The following FANCA variants were observed in gnomAD, a reference collection of about 807,000 sequenced individuals.
FANCA encodes the protein Fanconi anemia group A protein.
In FANCA, 236 loss-of-function variants were observed where a neutral mutation model predicts 194.3. The ratio of observed to expected loss-of-function variants is 1.21; its 90% CI spans 1.09 to 1.35. The LOEUF is 1.35. Ranked by LOEUF, FANCA falls within the 40% of genes most tolerant of loss-of-function variation. The probability of loss-of-function intolerance (pLI) is 0.00; values close to 1 mark genes in which losing one functional copy is unlikely to be tolerated. For synonymous variants in FANCA, 1,014 were observed against 715.8 expected, an observed-to-expected ratio of 1.42 and a Z score of -6.65; for missense variants, 2,628 against 1,813.9, an observed-to-expected ratio of 1.45 and a Z score of -8.15.
At chr16:89,777,083 G>A (rs1017466534) in intron 20 of FANCA, among the ~76,000 whole-genome samples, 7 of 152,056 alleles carry the variant, frequency 4.6e-5, no homozygotes, top group African/African-American at 1.2e-4. Flanking sequence ...GGTGGAGCGC[G>A]CCTCTAGACC....
chr16:89,795,197 A>G (rs954524923), intron 11 of FANCA, among the ~76,000 whole-genome samples: 1 of 151,876 alleles, frequency 6.6e-6, no homozygotes, highest in Non-Finnish European at 1.5e-5. Flanking sequence ...AGGCAGGAGA[A>G]TGGTTTGAAC....
At chr16:89,784,804 G>C (rs2039842140) in intron 15 of FANCA, 50 bp downstream of exon 15, 2 of 1,410,832 alleles carry the variant, frequency 1.4e-6, no homozygotes, top group Non-Finnish European at 2.0e-6. Flanking sequence ...CTCAGATGCA[G>C]CAGGTGAGCG....
intron 3 of FANCA, among the ~76,000 whole-genome samples, chr16:89,812,646 C>CAAAAAAAAAAAAA (rs71137677): frequency 1.2e-4 from 5 of 42,352 alleles, no homozygotes; most frequent in Admixed American, 2.9e-4. Context: ...TACTCCGTCT[C>CAAAAAAAAAAAAA]AAAAAAAAAA....
At chr16:89,769,622 T>C (rs1265865976) in intron 26 of FANCA, 2 of 623,916 alleles carry the variant, frequency 3.2e-6, no homozygotes, top group Non-Finnish European at 5.7e-6. Flanking sequence ...CAGTTTAGTA[T>C]AATATGATCT....
Position 89,745,079 on chromosome 16 carries a change from G to T in FANCA, c.3514-8C>A. ...CAGGCTCGGCCACCACACCTATGGA[G>T]AGAGCACCAGCACACAGATGAGGGT... is the stretch of plus-strand genomic sequence containing the variant. On this transcript the variant is annotated splice_region_variant and splice_polypyrimidine_tract_variant and intron_variant, in intron 35 of 42. Coordinates refer to ENST00000389301, the MANE Select transcript of FANCA (RefSeq NM_000135.4). 1.3e-6 allele frequency: 2 copies of T among 1,593,664 alleles called. No individual in the cohort carries two copies. The highest frequency in any genetic ancestry group is 8.5e-7 in the Non-Finnish European group (1 of 1,173,844).
At position 89,738,216 on chromosome 16, in the gene FANCA, G is replaced by A. The variant is rs17227424; in HGVS notation, c.*385C>T. 5.6e-6 allele frequency: 9 copies of A among 1,609,372 alleles called. No individual in the cohort carries two copies. Among genetic ancestry groups the A allele is most frequent in the Non-Finnish European group, 7.6e-6 (9 of 1,178,276 alleles). On this transcript the variant is annotated 3_prime_UTR_variant, in exon 43 of 43. Transcript: ENST00000389301. ...CACCGAGCCCCTCTGTGACCACAGA[G>A]GGCCAGGCGGTGAAGCCCGAACCCA...
Position 89,767,217 on chromosome 16 carries a change from GA to G in FANCA, c.2524del (p.Ser842LeufsTer47), listed in dbSNP as rs1205909298. On this transcript the variant is annotated frameshift_variant, in exon 27 of 43. Transcript: ENST00000389301. LOFTEE classifies it high-confidence loss of function. ...FCLKFCTAAI[S>X]YSLCKFSSQS... The stretch of plus-strand genomic sequence containing the variant: ...GGAAGAAAACTTGCAGAGAGAGTAA[GA>G]AATTGCTGCTGTACAAAATCTGAAA... 4 of 1,612,764 alleles carry G rather than the reference GA, an allele frequency of 2.5e-6. No individual in the cohort carries two copies. The highest frequency in any genetic ancestry group is 3.4e-6 in the Non-Finnish European group (4 of 1,178,946).
At chr16:89,739,752 G>A in intron 39 of FANCA, 199 bp from the exon 40 acceptor site, 3 of 1,486,316 alleles carry the variant, frequency 2.0e-6, no homozygotes, top group East Asian at 2.5e-5. Flanking sequence ...CTTGCAGGAG[G>A]GTGGGTGTGG....
chr16:89,749,887 G>C lies in FANCA; in HGVS notation c.3082C>G (p.Leu1028Val). 1.9e-6 allele frequency: 3 copies of C among 1,614,116 alleles called. No individual in the cohort carries two copies. Among genetic ancestry groups the C allele is most frequent in the Non-Finnish European group, 2.5e-6 (3 of 1,180,022 alleles). The stretch of plus-strand genomic sequence containing the variant: ...ACTATGAGGTCTTGCTGCAGCTCCA[G>C]GTCAGCTACCATCTCCTGAAAAAGA... Reference protein sequence around the residue: ...ISRLQEMVADLELQQDLIVPL... With the variant: ...ISRLQEMVADVELQQDLIVPL... Residue 1028 changes from leucine (L) to valine (V), a missense_variant, in exon 32 of 43, where the codon CTG becomes GTG. Physicochemically the swap from Leu to Val is conservative, Grantham distance 32. Coordinates refer to ENST00000389301, the MANE Select transcript of FANCA (RefSeq NM_000135.4).
chr16:89,753,516 C>T lies in FANCA; in HGVS notation c.2982-1294G>A, dbSNP rs1466754426. Reference sequence around the variant, plus strand: ...ACGCAGTTATCAATAAAATAAAAAGCAAAAACCGTAAGATTATCTCAATAG... The same window carrying T: ...ACGCAGTTATCAATAAAATAAAAAGTAAAAACCGTAAGATTATCTCAATAG... On this transcript the variant is annotated intron_variant, in intron 30 of 42. Coordinates refer to ENST00000389301, the MANE Select transcript of FANCA (RefSeq NM_000135.4). 5.9e-5 allele frequency among the ~76,000 whole-genome samples: 9 copies of T among 152,232 alleles called. No individual in the cohort carries two copies. In the East Asian group the frequency reaches 1.7e-3, roughly 29 times the overall value.
At chr16:89,771,332 G>A (rs187512958) in intron 23 of FANCA, among the ~76,000 whole-genome samples, 61 of 151,944 alleles carry the variant, frequency 4.0e-4, no homozygotes, top group South Asian at 1.7e-3. Flanking sequence ...GGTGATGCAC[G>A]CCTGTAGTCC....
chr16:89,810,445 T>C (rs867372098), intron 5 of FANCA: 2 of 440,968 alleles, frequency 4.5e-6, no homozygotes, highest in African/African-American at 4.0e-5. Flanking sequence ...CATACTAATA[T>C]ACCCAAGGCT....
chr16:89,741,971 A>C (rs1314449459), intron 37 of FANCA, among the ~76,000 whole-genome samples: 1 of 149,226 alleles, frequency 6.7e-6, no homozygotes, highest in Non-Finnish European at 1.5e-5. Flanking sequence ...ACTTTAAACA[A>C]ATTTTTTTTT....
At position 89,781,963 on chromosome 16, in the gene FANCA, C is replaced by T. The variant is rs139568211; in HGVS notation, c.1626+896G>A. 1.5e-3 allele frequency among the ~76,000 whole-genome samples: 230 copies of T among 150,914 alleles called. 1 individual carries two copies. The highest frequency in any genetic ancestry group is 4.9e-3 in the African/African-American group (203 of 41,060). On this transcript the variant is annotated intron_variant, in intron 17 of 42. Coordinates refer to ENST00000389301, the MANE Select transcript of FANCA (RefSeq NM_000135.4). The stretch of plus-strand genomic sequence containing the variant: ...CAGAGCTTGCAGTGAGCCGAGACTG[C>T]GCCACTGCACTCCAGCCTGGGCGAC...
rs760287473 is a variant in FANCA, at chr16:89,808,326, T to C, written c.564A>G (p.Gln188=). ...GCAGCTCTTGCAGGCTCACAATGCC[T>C]TGTACGTGAAGATGCCACACCGCTT... ...LLEAVWHLHV[Q]GIVSLQELLE... Residue 188 remains glutamine (Q), a synonymous_variant, in exon 6 of 43, where the codon CAA becomes CAG. Transcript: ENST00000389301. 3 of 1,614,146 alleles carry C rather than the reference T, an allele frequency of 1.9e-6. No homozygotes were observed. Among genetic ancestry groups the C allele is most frequent in the East Asian group, 2.2e-5 (1 of 44,886 alleles).
chr16:89,811,846 T>A (rs1243411348), intron 3 of FANCA, among the ~76,000 whole-genome samples: 4 of 152,124 alleles, frequency 2.6e-5, no homozygotes, highest in African/African-American at 9.7e-5. Context: ...TTCTCCTGCC[T>A]CAGCCTCCCA....
chr16:89,812,371 G>T (rs1024936963), intron 3 of FANCA, among the ~76,000 whole-genome samples: 8 of 151,426 alleles, frequency 5.3e-5, no homozygotes, highest in Non-Finnish European at 8.8e-5. Context: ...TGGAGGCCAG[G>T]CTCAGTGGGT....
intron 6 of FANCA, among the ~76,000 whole-genome samples, chr16:89,807,658 G>A (rs2040709238): frequency 6.6e-6 from 1 of 152,082 alleles, no homozygotes; most frequent in Admixed American, 6.6e-5. Flanking sequence ...GCAGAGGCGG[G>A]CAGATCCTGA....
In FANCA at chr16:89,758,623, C is replaced by T. The variant is rs766137246; in HGVS notation, c.2935G>A (p.Ala979Thr). Residue 979 changes from alanine (A) to threonine (T), a missense_variant, in exon 30 of 43, where the codon GCT becomes ACT. By Grantham distance (58) the Ala-to-Thr change is moderately conservative. Coordinates refer to ENST00000389301, the MANE Select transcript of FANCA (RefSeq NM_000135.4). ...ASGGCDGDLQ[A>T]ACTILVNALM... ...GCGTTGACAAGAATGGTACACGCAG[C>T]CTGCAGGTCTCCGTCACAGCCCCCT... 4 of 1,614,072 alleles carry T rather than the reference C, an allele frequency of 2.5e-6. No homozygotes were observed. The highest frequency in any genetic ancestry group is 3.4e-6 in the Non-Finnish European group (4 of 1,179,954).
Sources: allele counts gnomAD v4.1 joint callset (sites outside exome capture counted in the v4.1 genomes callset), GRCh38; gene constraint gnomAD v4.1.1; transcripts MANE v1.5; gene names NCBI Gene and HGNC (gene_info 2026-07-23, HGNC 2026-07-21).